The following LRP1 variants were observed in gnomAD, a reference collection of about 807,000 sequenced individuals.
LRP1 encodes the protein LDL receptor related protein 1.
In LRP1, 51 loss-of-function variants were observed where a neutral mutation model predicts 541.5. The ratio of observed to expected loss-of-function variants is 0.09; its 90% CI spans 0.08 to 0.12. The LOEUF (loss-of-function observed/expected upper bound fraction) is 0.12, where lower values mean the gene tolerates loss of function less well. Ranked by LOEUF, LRP1 falls within the 10% of genes least tolerant of loss-of-function variation. The probability of loss-of-function intolerance (pLI) is 1.00; values close to 1 mark genes in which losing one functional copy is unlikely to be tolerated. For synonymous variants in LRP1, 2,219 were observed against 2,470.8 expected (o/e 0.90, Z 3.02); for missense variants, 3,878 against 6,376.2 (o/e 0.61, Z 13.34).
At chr12:57,200,928 G>A (rs2036638273) in intron 64 of LRP1, 106 bp from the exon 65 acceptor site, 3 of 1,581,138 alleles carry the variant, frequency 1.9e-6, no homozygotes, top group Non-Finnish European at 1.7e-6. Context: ...TCTCCAGGCT[G>A]GATTCCTATG....
Position 57,177,229 on chromosome 12 carries a change from C to A in LRP1, c.4180C>A (p.Leu1394Met), listed in dbSNP as rs780963506. The A allele has an allele frequency of 2.5e-6, 4 of 1,614,052 alleles. No individual in the cohort carries two copies. Among genetic ancestry groups the A allele is most frequent in the Non-Finnish European group, 3.4e-6 (4 of 1,180,002 alleles). The change falls in exon 25 of 89, where the codon CTG becomes ATG. Residue 1394 changes from leucine to methionine, a missense_variant. Around this residue, in one of 13 missense-constraint regions of LRP1, gnomAD observed 24 missense variants for 109.1 expected, o/e 0.22. Coordinates refer to ENST00000243077, the MANE Select transcript of LRP1 (RefSeq NM_002332.3). The surrounding 1 kb of genome is among the most constrained non-coding windows in gnomAD (Gnocchi z 6.8). ...GDIEHPRAIA[L>M]DPRDGILFWT... ...CATTGAGCACCCAAGGGCAATCGCA[C>A]TGGATCCCCGGGATGGGTGAGGACC...
rs2035755171 is a variant in LRP1, at chr12:57,162,426, G to T, written c.2312G>T (p.Gly771Val). 4.3e-6 allele frequency: 7 copies of T among 1,614,146 alleles called. No homozygotes were observed. The highest frequency in any genetic ancestry group is 5.9e-6 in the Non-Finnish European group (7 of 1,180,020). The change falls in exon 14 of 89, where the codon GGT becomes GTT. Residue 771 changes from glycine to valine, a missense_variant. Gly to Val is a moderately radical substitution (Grantham distance 109, BLOSUM62 -3). Around this residue, in one of 13 missense-constraint regions of LRP1, gnomAD observed 496 missense variants for 861.0 expected, o/e 0.58. Transcript: ENST00000243077. This position sits in a 1 kb window ranked among gnomAD's most constrained non-coding sequence, Gnocchi z 5.2. ...GGCAGTGTCTACCGCTTGGAACGGGGTGTAGGAGGCGCACCCCCCACTGTG... is the reference window on the plus strand; with the variant it reads ...GGCAGTGTCTACCGCTTGGAACGGGTTGTAGGAGGCGCACCCCCCACTGTG... ...RSGSVYRLER[G>V]VGGAPPTVTL...
rs563539689 is a variant in LRP1, at chr12:57,213,004, G to C, written c.*449G>C. 6.3e-6 allele frequency: 1 copy of C among 159,342 alleles called. No individual in the cohort carries two copies. The highest frequency in any genetic ancestry group is 1.9e-4 in the East Asian group (1 of 5,250). The allele number at this position is 159,342 out of a possible 1,614,324, so 9.9% of individuals were successfully genotyped here. A position where few individuals can be genotyped will look rare whatever the true frequency, so the allele number is the denominator to read the frequency against. ...CCCTGTCTGGAAGACGTGGCTCTGG[G>C]TGAGGTAGGCGGGAAAGGATGGAGT... is the stretch of plus-strand genomic sequence containing the variant. On this transcript the variant is annotated 3_prime_UTR_variant, in exon 89 of 89. Transcript: ENST00000243077.
At chr12:57,144,324 A>G (rs1247237017) in intron 4 of LRP1, among the ~76,000 whole-genome samples, 2 of 152,106 alleles carry the variant, frequency 1.3e-5, no homozygotes, top group African/African-American at 4.8e-5. Context: ...GTTAATATGT[A>G]AAGATCTACA....
At chr12:57,176,487 GTACACAC>G (rs2036049643) in intron 24 of LRP1, among the ~76,000 whole-genome samples, 1 of 152,192 alleles carries the variant, frequency 6.6e-6, no homozygotes, top group Non-Finnish European at 1.5e-5. Context: ...AGTGCCCACT[GTACACAC>G]TGGGCAGTGG....
In LRP1 at chr12:57,204,122, G is replaced by A. The variant is rs2036717278; in HGVS notation, c.10952-288G>A. The A allele has an allele frequency of 3.1e-6, 1 of 326,896 alleles. No individual in the cohort carries two copies. Among genetic ancestry groups the A allele is most frequent in the Non-Finnish European group, 5.6e-6 (1 of 178,778 alleles). The allele number at this position is 326,896 out of a possible 1,614,324, so 20.2% of individuals were successfully genotyped here. On this transcript the variant is annotated intron_variant, in intron 70 of 88. Transcript: ENST00000243077. This position sits in a 1 kb window ranked among gnomAD's most constrained non-coding sequence, Gnocchi z 5.3. ...CTGTGGAACTACACAGCCCAGTGCT[G>A]TTCCCACGTCCCCGCTGTGGAACTA...
rs749293200 is a variant in LRP1 at position 57,205,167 on chromosome 12, C to T, written c.11253C>T (p.Asn3751=). The T allele has an allele frequency of 3.2e-5, 51 of 1,613,880 alleles. No homozygotes were observed. The East Asian group carries it at 1.1e-3, about 34-fold the overall frequency. The change falls in exon 73 of 89, where the codon AAC becomes AAT. Residue 3751 remains asparagine (N), a synonymous_variant. Transcript: ENST00000243077. This position sits in a 1 kb window ranked among gnomAD's most constrained non-coding sequence, Gnocchi z 4.6. The part of the protein sequence containing the change: ...CKDKKEFLCR[N]QRCLSSSLRC... Reference sequence around the variant, plus strand: ...ACAAGAAGGAGTTTCTGTGCCGGAACCAGCGCTGCCTCTCCTCCTCCCTGC... The same window carrying T: ...ACAAGAAGGAGTTTCTGTGCCGGAATCAGCGCTGCCTCTCCTCCTCCCTGC...
At chr12:57,176,960 C>A in intron 24 of LRP1, 81 bp from the exon 25 acceptor site, 13 of 1,228,880 alleles carry the variant, frequency 1.1e-5, no homozygotes, top group Non-Finnish European at 1.5e-5. Context: ...GAGGGTGGGT[C>A]ATCGAGGGCT....
chr12:57,200,826 G>GGGGGGGCCCCCCCC lies in LRP1; in HGVS notation c.10225+11_10225+12insGGGGGGCCCCCCCC. On this transcript the variant is annotated intron_variant, in intron 64 of 88. Coordinates refer to ENST00000243077, the MANE Select transcript of LRP1 (RefSeq NM_002332.3). ...ACGAGGCCAACTGTGGTAAGGCGCTGCCCGCCCACCCTCCCTCCTTCCCCA... is the reference window on the plus strand; with the variant it reads ...ACGAGGCCAACTGTGGTAAGGCGCTGGGGGGGCCCCCCCCCCCGCCCACCCTCCCTCCTTCCCCA... 1 of 1,581,426 alleles carries GGGGGGGCCCCCCCC rather than the reference G, an allele frequency of 6.3e-7. No individual in the cohort carries two copies.
chr12:57,212,088 T>G lies in LRP1; in HGVS notation c.13350-29T>G. The stretch of plus-strand genomic sequence containing the variant: ...CCTAGCCTTCCCCCCCAATAATCTC[T>G]GTCTCCTTATACTCCTGCCTTTCCC... On this transcript the variant is annotated intron_variant, in intron 87 of 88. Transcript: ENST00000243077. The surrounding 1 kb of genome is among the most constrained non-coding windows in gnomAD (Gnocchi z 5.0). 2 of 1,613,324 alleles carry G rather than the reference T, an allele frequency of 1.2e-6. No individual in the cohort carries two copies. Among genetic ancestry groups the G allele is most frequent in the Non-Finnish European group, 1.7e-6 (2 of 1,179,494 alleles).
chr12:57,204,004 C>T lies in LRP1; in HGVS notation c.10952-406C>T, dbSNP rs973918804. ...CCTTGGAGCGGAAATCCCAACTGTG[C>T]GGGCAGATGTCTTGGCTCTGCCTTG... On this transcript the variant is annotated intron_variant, in intron 70 of 88. Coordinates refer to ENST00000243077, the MANE Select transcript of LRP1 (RefSeq NM_002332.3). The surrounding 1 kb of genome is among the most constrained non-coding windows in gnomAD (Gnocchi z 5.3). 1.0e-5 allele frequency: 2 copies of T among 196,744 alleles called. No homozygotes were observed. Among genetic ancestry groups the T allele is most frequent in the South Asian group, 1.6e-4 (1 of 6,098 alleles). The allele number at this position is 196,744 out of a possible 1,614,324, so 12.2% of individuals were successfully genotyped here. A position where few individuals can be genotyped will look rare whatever the true frequency, so the allele number is the denominator to read the frequency against.
intron 47 of LRP1, 89 bp downstream of exon 47, chr12:57,193,774 G>A: frequency 1.2e-6 from 2 of 1,609,430 alleles, no homozygotes; most frequent in South Asian, 1.1e-5. Flanking sequence ...GCCCCGTGGT[G>A]TCTGGTTCAA....
Position 57,158,971 on chromosome 12 carries a change from A to G in LRP1, c.1798+333A>G, listed in dbSNP as rs755300552. ...GTCTTGAATTGGAGACAGGCCTGCC[A>G]GATCAAAACAGGGCACACCCACATG... is the stretch of plus-strand genomic sequence containing the variant. On this transcript the variant is annotated intron_variant, in intron 11 of 88. Coordinates refer to ENST00000243077, the MANE Select transcript of LRP1 (RefSeq NM_002332.3). This position sits in a 1 kb window ranked among gnomAD's most constrained non-coding sequence, Gnocchi z 5.3. Among the ~76,000 whole-genome samples, 1 of 152,208 alleles carries G rather than the reference A, an allele frequency of 6.6e-6. No homozygotes were observed. The highest frequency in any genetic ancestry group is 2.4e-5 in the African/African-American group (1 of 41,454).
intron 78 of LRP1, 42 bp from the exon 79 acceptor site, chr12:57,209,041 G>A (rs372649668): frequency 6.5e-7 from 1 of 1,529,112 alleles, no homozygotes. Flanking sequence ...CCGAGCCTGG[G>A]TTGGGGAGGC....
At chr12:57,208,268 G>C in intron 77 of LRP1, 52 bp downstream of exon 77, 1 of 1,566,864 alleles carries the variant, frequency 6.4e-7, no homozygotes, top group Non-Finnish European at 8.7e-7. Flanking sequence ...GGAAGCCCCC[G>C]GGACAGGGTT....
intron 1 of LRP1, among the ~76,000 whole-genome samples, chr12:57,129,632 T>C (rs1047541597): frequency 6.6e-6 from 1 of 152,148 alleles, no homozygotes; most frequent in African/African-American, 2.4e-5. Context: ...CTTCCCCCTC[T>C]CAGGGCCTCT....
chr12:57,205,751 A>C lies in LRP1; in HGVS notation c.11590+74A>C, dbSNP rs1444986256. On this transcript the variant is annotated intron_variant, in intron 75 of 88. Transcript: ENST00000243077. The surrounding 1 kb of genome is among the most constrained non-coding windows in gnomAD (Gnocchi z 4.6). Reference sequence around the variant, plus strand: ...AGGATATCAAACGGGGCCGACTTGGAATGGAATGTCTTCCTGCGGACATCT... The same window carrying C: ...AGGATATCAAACGGGGCCGACTTGGCATGGAATGTCTTCCTGCGGACATCT... 9 of 1,578,202 alleles carry C rather than the reference A, an allele frequency of 5.7e-6. No individual in the cohort carries two copies. The highest frequency in any genetic ancestry group is 5.4e-5 in the African/African-American group (4 of 74,398).
At position 57,162,504 on chromosome 12, in the gene LRP1, C is replaced by T. The variant is rs1565726910; in HGVS notation, c.2390C>T (p.Ala797Val). The T allele has an allele frequency of 6.2e-7, 1 of 1,613,854 alleles. No homozygotes were observed. Among genetic ancestry groups the T allele is most frequent in the South Asian group, 1.1e-5 (1 of 91,070 alleles). ...PPIFEIRMYD[A>V]QQQQVGTNKC... ...ATCTTTGAGATCCGAATGTATGATG[C>T]CCAGCAGCAGCAAGGTACCTCCTTG... Residue 797 changes from alanine to valine, a missense_variant, in exon 14 of 89, where the codon GCC (alanine) becomes GTC (valine). Around this residue, in one of 13 missense-constraint regions of LRP1, gnomAD observed 496 missense variants for 861.0 expected, o/e 0.58. Coordinates refer to ENST00000243077, the MANE Select transcript of LRP1 (RefSeq NM_002332.3). This position sits in a 1 kb window ranked among gnomAD's most constrained non-coding sequence, Gnocchi z 5.2.
Position 57,197,092 on chromosome 12 carries a change from C to A in LRP1, c.9003C>A (p.Gly3001=), listed in dbSNP as rs1470696859. The A allele has an allele frequency of 6.2e-7, 1 of 1,614,108 alleles. No homozygotes were observed. Among genetic ancestry groups the A allele is most frequent in the Non-Finnish European group, 8.5e-7 (1 of 1,180,002 alleles). The part of the protein sequence containing the change: ...PCSQRCINTH[G]SYKCLCVEGY... ...GCCAGCGCTGCATCAACACTCATGG[C>A]AGCTATAAGTGTCTGTGTGTGGAGG... The change falls in exon 56 of 89, where the codon GGC becomes GGA. Residue 3001 remains glycine, a synonymous_variant. Coordinates refer to ENST00000243077, the MANE Select transcript of LRP1 (RefSeq NM_002332.3). The surrounding 1 kb of genome is among the most constrained non-coding windows in gnomAD (Gnocchi z 4.5).
Sources: gnomAD v4.1 joint callset for allele counts (sites outside exome capture counted in the v4.1 genomes callset) on GRCh38, gnomAD v4.1.1 for gene constraint, gnomAD v4.1.1 regional missense constraint, Gnocchi (gnomAD v3.1) non-coding constraint, MANE v1.5 for transcripts, NCBI Gene and HGNC (gene_info 2026-07-23, HGNC 2026-07-21) for gene names.